FERMT2: variants seen among roughly 807,000 people sequenced by gnomAD.
FERMT2 encodes fermitin family homolog 2.
FERMT2 carries 15 observed loss-of-function variants against 82.7 expected under a neutral mutation model. The ratio of observed to expected loss-of-function variants is 0.18; its 90% confidence interval spans 0.12 to 0.28. The LOEUF (loss-of-function observed/expected upper bound fraction) is 0.28. Ranked by LOEUF, FERMT2 falls within the 10% of genes least tolerant of loss-of-function variation. The pLI is 1.00. For synonymous variants in FERMT2, 274 were observed against 271.5 expected (o/e 1.01, Z -0.09); for missense variants, 645 against 809.4 (o/e 0.80, Z 2.46).
chr14:52,944,508 T>C (rs1890236469), intron 2 of FERMT2, among the ~76,000 whole-genome samples: 1 of 152,222 alleles, frequency 6.6e-6, no homozygotes. Context: ...TCTTTCCCAG[T>C]GTGCATCTTG....
intron 10 of FERMT2, among the ~76,000 whole-genome samples, chr14:52,865,591 C>T (rs760304223): frequency 2.6e-5 from 4 of 152,140 alleles, no homozygotes; most frequent in Non-Finnish European, 5.9e-5. Context: ...TAAGATAATA[C>T]ACTGTCAAAG....
chr14:52,929,002 T>G (rs1889439187), intron 2 of FERMT2, among the ~76,000 whole-genome samples: 1 of 152,136 alleles, frequency 6.6e-6, no homozygotes, highest in African/African-American at 2.4e-5. Flanking sequence ...AGACACTTAT[T>G]TTCGTCACTG....
At chr14:52,950,787 C>T in intron 1 of FERMT2, 134 bp downstream of exon 1, 5 of 464,122 alleles carry the variant, frequency 1.1e-5, no homozygotes, top group Non-Finnish European at 1.9e-5. Context: ...GCGCCGCCCG[C>T]CCCACACCGT....
intron 12 of FERMT2, chr14:52,860,722 CAT>C (rs1360726704): frequency 5.4e-6 from 3 of 556,638 alleles, no homozygotes; most frequent in African/African-American, 1.9e-5. Flanking sequence ...ACACTTGAGA[CAT>C]ATTCCAAATG....
chr14:52,943,720 G>A (rs911192588), intron 2 of FERMT2, among the ~76,000 whole-genome samples: 1 of 152,158 alleles, frequency 6.6e-6, no homozygotes, highest in Non-Finnish European at 1.5e-5. Context: ...ATGTTTGTGT[G>A]TATAGAAAAT....
chr14:52,887,167 G>A (rs947191118), intron 4 of FERMT2, among the ~76,000 whole-genome samples: 46 of 147,458 alleles, frequency 3.1e-4, no homozygotes, highest in Non-Finnish European at 6.1e-4. Flanking sequence ...ATGGAGTCTC[G>A]CTCTGTCGCC....
rs538119784 is a variant in FERMT2 at position 52,938,916 on chromosome 14, T to C, written c.157+11496A>G. ...ACACTCCCTATCTTAGCATAGTGAG[T>C]CTATAATTTTGTATATGTGGAAGCA... is the stretch of plus-strand genomic sequence containing the variant. On this transcript the variant is annotated intron_variant, in intron 2 of 14. Coordinates refer to ENST00000341590, the MANE Select transcript of FERMT2 (RefSeq NM_006832.3). Among the ~76,000 whole-genome samples, 4 of 152,176 alleles carry C rather than the reference T, an allele frequency of 2.6e-5. No individual in the cohort carries two copies. In the South Asian group the frequency reaches 8.3e-4, roughly 32 times the overall value.
chr14:52,936,644 T>C (rs989039342), intron 2 of FERMT2, among the ~76,000 whole-genome samples: 4 of 152,274 alleles, frequency 2.6e-5, no homozygotes, highest in South Asian at 2.1e-4. Flanking sequence ...GGAATTCTCA[T>C]CCTCTTCCCA....
Position 52,864,832 on chromosome 14 carries a change from A to G in FERMT2, c.1295T>C (p.Val432Ala), listed in dbSNP as rs768648776. Reference protein sequence around the residue: ...NLRGCEVTPDVNISGQKFNIK... With the variant: ...NLRGCEVTPDANISGQKFNIK... ...GTTAAATTTTTGGCCTGAAATGTTT[A>G]CATCTGGGGTAACTTCACATCCTGT... The change falls in exon 11 of 15, where the codon GTA becomes GCA. Residue 432 changes from valine to alanine, a missense_variant. Coordinates refer to ENST00000341590, the MANE Select transcript of FERMT2 (RefSeq NM_006832.3). The G allele has an allele frequency of 6.8e-6, 11 of 1,608,284 alleles. No homozygotes were observed. The South Asian group carries it at 1.2e-4, about 18-fold the overall frequency.
intron 2 of FERMT2, among the ~76,000 whole-genome samples, chr14:52,946,661 A>G (rs1890370265): frequency 6.6e-6 from 1 of 152,042 alleles, no homozygotes; most frequent in African/African-American, 2.4e-5. Flanking sequence ...AAACCAAACC[A>G]AACAGTACTA....
intron 3 of FERMT2, among the ~76,000 whole-genome samples, chr14:52,894,539 AAGAC>A (rs1887142085): frequency 6.6e-6 from 1 of 152,200 alleles, no homozygotes; most frequent in African/African-American, 2.4e-5. Context: ...TGTATCAATC[AAGAC>A]ACTGAACTTA....
At chr14:52,934,990 T>C (rs896060311) in intron 2 of FERMT2, among the ~76,000 whole-genome samples, 3 of 152,228 alleles carry the variant, frequency 2.0e-5, no homozygotes, top group African/African-American at 7.2e-5. Context: ...ATTTACATAG[T>C]GCTTTGTGGA....
At chr14:52,934,753 T>C (rs1388287300) in intron 2 of FERMT2, among the ~76,000 whole-genome samples, 1 of 152,266 alleles carries the variant, frequency 6.6e-6, no homozygotes, top group African/African-American at 2.4e-5. Flanking sequence ...TTGATTCAAC[T>C]ATCACTTCTA....
Position 52,950,426 on chromosome 14 carries a change from A to G in FERMT2, c.143T>C (p.Leu48Pro). ...ATGCTACTCACCGAGTTTCTCCACCAGCTTAAGCATCACGCCTCCAATGTG... is the reference window on the plus strand; with the variant it reads ...ATGCTACTCACCGAGTTTCTCCACCGGCTTAAGCATCACGCCTCCAATGTG... ...EVHIGGVMLK[L>P]VEKLDVKKDW... The change falls in exon 2 of 15, where the codon CTG (leucine) becomes CCG (proline). Residue 48 changes from leucine to proline, a missense_variant. Physicochemically the swap from Leu to Pro is moderately conservative, Grantham distance 98. Coordinates refer to ENST00000341590, the MANE Select transcript of FERMT2 (RefSeq NM_006832.3). 6.2e-7 allele frequency: 1 copy of G among 1,613,464 alleles called. No individual in the cohort carries two copies. The highest frequency in any genetic ancestry group is 8.5e-7 in the Non-Finnish European group (1 of 1,179,788).
In FERMT2 at chr14:52,946,459, C is replaced by T. The variant is rs115993660; in HGVS notation, c.157+3953G>A. ...CTTGAGGCCAGGAGTTCAAGACCAGCCTGGGCAACAAAGCAAGACCCATCT... is the reference window on the plus strand; with the variant it reads ...CTTGAGGCCAGGAGTTCAAGACCAGTCTGGGCAACAAAGCAAGACCCATCT... On this transcript the variant is annotated intron_variant, in intron 2 of 14. Transcript: ENST00000341590. 5.3e-3 allele frequency among the ~76,000 whole-genome samples: 806 copies of T among 151,700 alleles called. 1 individual carries two copies. The highest frequency in any genetic ancestry group is 0.017 in the African/African-American group (703 of 41,392).
At chr14:52,869,448 T>C (rs1008488346) in intron 10 of FERMT2, among the ~76,000 whole-genome samples, 3 of 152,180 alleles carry the variant, frequency 2.0e-5, no homozygotes, top group South Asian at 4.1e-4. Flanking sequence ...CAGTCACGCA[T>C]TGCATAACAG....
At position 52,858,200 on chromosome 14, in the gene FERMT2, A is replaced by ATGAT. The variant is rs775620452; in HGVS notation, c.*173_*176dup. 16 of 577,418 alleles carry ATGAT rather than the reference A, an allele frequency of 2.8e-5. No homozygotes were observed. The highest frequency in any genetic ancestry group is 4.3e-5 in the Non-Finnish European group (14 of 325,906). 35.8% of individuals were successfully genotyped at this position (577,418 alleles called of 1,614,324 possible). On this transcript the variant is annotated 3_prime_UTR_variant, in exon 15 of 15. Coordinates refer to ENST00000341590, the MANE Select transcript of FERMT2 (RefSeq NM_006832.3). ...AAATTCAAGTTTATTATATCATAACATGATAGATTAATAGTCGTGCTTGTT... is the reference window on the plus strand; with the variant it reads ...AAATTCAAGTTTATTATATCATAACATGATTGATAGATTAATAGTCGTGCTTGTT...
chr14:52,860,839 G>A (rs1367422702), intron 12 of FERMT2: 10 of 644,440 alleles, frequency 1.6e-5, no homozygotes, highest in Non-Finnish European at 2.4e-5. Flanking sequence ...ATGAATACCT[G>A]GAATACATGT....
At chr14:52,927,388 A>G (rs937945672) in intron 2 of FERMT2, among the ~76,000 whole-genome samples, 1 of 152,052 alleles carries the variant, frequency 6.6e-6, no homozygotes, top group Admixed American at 6.6e-5. Flanking sequence ...GAGAAGGGAG[A>G]CATTATTGAA....
Sources: allele counts gnomAD v4.1 joint callset (sites outside exome capture counted in the v4.1 genomes callset), GRCh38; gene constraint gnomAD v4.1.1; transcripts MANE v1.5; gene names NCBI Gene and HGNC (gene_info 2026-07-23, HGNC 2026-07-21).